Variants in CCSER2 observed in about 807,000 individuals in gnomAD.
CCSER2 encodes coiled-coil serine rich protein 2.
CCSER2 carries 46 observed loss-of-function variants against 92.3 expected under a neutral mutation model. That is an observed-to-expected ratio of 0.50 (90% confidence interval 0.39 to 0.64). The LOEUF (loss-of-function observed/expected upper bound fraction) is 0.64, where lower values mean the gene tolerates loss of function less well. Among genes scored for constraint, CCSER2 ranks in the 30% least tolerant of loss-of-function variants. The pLI is 0.00. For synonymous variants in CCSER2, 433 were observed against 431.4 expected, an observed-to-expected ratio of 1.00 and a Z score of -0.04; for missense variants, 1,244 against 1,238.9, an observed-to-expected ratio of 1.00 and a Z score of -0.06.
chr10:84,391,936 G>A, intron 3 of CCSER2: 1 of 1,356,368 alleles, frequency 7.4e-7, no homozygotes, highest in Non-Finnish European at 1.1e-6. Flanking sequence ...CACATTCGGT[G>A]TAAGATCCTT....
chr10:84,338,395 T>TA (rs1487950893), intron 1 of CCSER2, among the ~76,000 whole-genome samples: 3 of 152,244 alleles, frequency 2.0e-5, no homozygotes, highest in African/African-American at 7.2e-5. Context: ...GCTTCCAGCT[T>TA]ACTTTTTTTT....
intron 5 of CCSER2, among the ~76,000 whole-genome samples, chr10:84,428,985 G>GTGTATA (rs367824329): frequency 9.9e-5 from 14 of 140,898 alleles, no homozygotes; most frequent in Middle Eastern, 3.7e-3. Context: ...GTGTGTATGT[G>GTGTATA]TATATATATA....
At chr10:84,457,331 TATATTATATATTATATATA>T in intron 6 of CCSER2, among the ~76,000 whole-genome samples, 1 of 46,982 alleles carries the variant, frequency 2.1e-5, no homozygotes, top group Admixed American at 4.2e-4. Flanking sequence ...TTATATATAA[TATATTATATATTATATATA>T]ATATATATAT....
At chr10:84,423,192 G>A (rs1247504809) in intron 4 of CCSER2, among the ~76,000 whole-genome samples, 1 of 152,174 alleles carries the variant, frequency 6.6e-6, no homozygotes, top group African/African-American at 2.4e-5. Context: ...CATCAGCAGT[G>A]TTATTCCACA....
intron 9 of CCSER2, among the ~76,000 whole-genome samples, chr10:84,496,168 A>G (rs1262706290): frequency 6.6e-6 from 1 of 152,134 alleles, no homozygotes. Context: ...TGTCCTTTTA[A>G]GTCCCTTTTC....
chr10:84,455,910 A>G (rs147753759), intron 6 of CCSER2: 238 of 692,188 alleles, frequency 3.4e-4, no homozygotes, highest in African/African-American at 3.0e-3. Context: ...GCTTTCTTCT[A>G]TGATTTCTGT....
chr10:84,428,494 T>A (rs1242370213), intron 5 of CCSER2, among the ~76,000 whole-genome samples: 1 of 152,182 alleles, frequency 6.6e-6, no homozygotes, highest in Non-Finnish European at 1.5e-5. Flanking sequence ...CTGGTACTGG[T>A]CCCTGGTTAG....
chr10:84,358,255 T>G (rs1845298332), intron 1 of CCSER2, among the ~76,000 whole-genome samples: 1 of 152,130 alleles, frequency 6.6e-6, no homozygotes, highest in South Asian at 2.1e-4. Flanking sequence ...TACCAAAGAG[T>G]TGGTCAGTTC....
intron 3 of CCSER2, among the ~76,000 whole-genome samples, chr10:84,416,848 G>A (rs1025250911): frequency 3.3e-5 from 5 of 152,044 alleles, no homozygotes; most frequent in Admixed American, 6.6e-5. Flanking sequence ...GGAGAATGGC[G>A]TGAACCCAGG....
At chr10:84,400,173 T>G (rs1036854263) in intron 3 of CCSER2, among the ~76,000 whole-genome samples, 14 of 152,168 alleles carry the variant, frequency 9.2e-5, no homozygotes, top group African/African-American at 3.4e-4. Flanking sequence ...TTTCTCCCAT[T>G]CTGTAGGCTT....
At chr10:84,343,725 T>C (rs1844328880) in intron 1 of CCSER2, among the ~76,000 whole-genome samples, 1 of 152,236 alleles carries the variant, frequency 6.6e-6, no homozygotes, top group Non-Finnish European at 1.5e-5. Context: ...AAAAGTTGTA[T>C]GGAAACGGCT....
intron 9 of CCSER2, among the ~76,000 whole-genome samples, chr10:84,490,409 T>C (rs1848087913): frequency 6.6e-6 from 1 of 152,208 alleles, no homozygotes; most frequent in Non-Finnish European, 1.5e-5. Context: ...TTTCACATAG[T>C]CCCATATTTC....
intron 4 of CCSER2, among the ~76,000 whole-genome samples, chr10:84,424,032 GT>G (rs1843291918): frequency 6.7e-6 from 1 of 149,542 alleles, no homozygotes. Flanking sequence ...TGTGCCTGTA[GT>G]CCTAGCTGCT....
intron 9 of CCSER2, among the ~76,000 whole-genome samples, chr10:84,488,171 T>TG (rs1397322212): frequency 2.0e-5 from 3 of 152,232 alleles, no homozygotes; most frequent in African/African-American, 7.2e-5. Flanking sequence ...TTTGCATCGA[T>TG]GTTCATCAGG....
chr10:84,483,631 G>C (rs1847585258), intron 9 of CCSER2, among the ~76,000 whole-genome samples: 1 of 151,836 alleles, frequency 6.6e-6, no homozygotes, highest in Admixed American at 6.6e-5. Flanking sequence ...CTGAGAAATG[G>C]GATGGAACGC....
At chr10:84,351,600 G>A (rs371718585) in intron 1 of CCSER2, among the ~76,000 whole-genome samples, 144 of 152,234 alleles carry the variant, frequency 9.5e-4, no homozygotes, top group African/African-American at 3.3e-3. Context: ...GAACTCCTGG[G>A]CTTAAGTGAT....
At chr10:84,391,694 A>G (rs1841527160) in intron 3 of CCSER2, 1 of 1,522,908 alleles carries the variant, frequency 6.6e-7, no homozygotes, top group African/African-American at 1.4e-5. Flanking sequence ...TACAGCAATA[A>G]CGATTGGTCG....
At position 84,417,922 on chromosome 10, in the gene CCSER2, A is replaced by G. The variant is rs577987487; in HGVS notation, c.1705+61A>G. 152 of 826,062 alleles carry G rather than the reference A, an allele frequency of 1.8e-4. No individual in the cohort carries two copies. In the East Asian group the frequency reaches 3.6e-3, roughly 20 times the overall value. 51.2% of individuals were successfully genotyped at this position (826,062 alleles called of 1,614,324 possible). On this transcript the variant is annotated intron_variant, in intron 4 of 9. Transcript: ENST00000372088. ...TACTTGAGCTACTCGACTGTAGCCAATTTGATATTTGTTACTTGCAGACTT... is the reference window on the plus strand; with the variant it reads ...TACTTGAGCTACTCGACTGTAGCCAGTTTGATATTTGTTACTTGCAGACTT...
At chr10:84,394,923 T>C (rs1454825599) in intron 3 of CCSER2, among the ~76,000 whole-genome samples, 2 of 152,010 alleles carry the variant, frequency 1.3e-5, no homozygotes, top group African/African-American at 2.4e-5. Context: ...TTAAAAGTAA[T>C]TTGTTAATAA....
Sources: allele counts gnomAD v4.1 joint callset (sites outside exome capture counted in the v4.1 genomes callset), GRCh38; gene constraint gnomAD v4.1.1; transcripts MANE v1.5; gene names NCBI Gene and HGNC (gene_info 2026-07-23, HGNC 2026-07-21).